The following GNAO1 variants were observed in gnomAD, a reference collection of about 807,000 sequenced individuals.
GNAO1 encodes guanine nucleotide-binding protein G(o) subunit alpha.
For synonymous variants in GNAO1, 164 were observed against 180.7 expected (o/e 0.91, Z 0.74); for missense variants, 166 against 478.7 (o/e 0.35, Z 6.10).
At chr16:56,200,389 A>G (rs1393524705) in intron 2 of GNAO1, among the ~76,000 whole-genome samples, 1 of 152,230 alleles carries the variant, frequency 6.6e-6, no homozygotes, top group African/African-American at 2.4e-5. Flanking sequence ...TCCATAAACC[A>G]AAATAATCAT....
intron 3 of GNAO1, among the ~76,000 whole-genome samples, chr16:56,298,899 A>C (rs1312226904): frequency 6.7e-6 from 1 of 149,044 alleles, no homozygotes; most frequent in Non-Finnish European, 1.5e-5. Context: ...TGGGCGAGAG[A>C]GTGAGACTCT....
chr16:56,205,638 C>T (rs2036320906), intron 2 of GNAO1, among the ~76,000 whole-genome samples: 2 of 152,178 alleles, frequency 1.3e-5, no homozygotes, highest in Admixed American at 1.3e-4. Context: ...CCTTGCTATT[C>T]CCTGTCTTCT....
intron 2 of GNAO1, among the ~76,000 whole-genome samples, chr16:56,258,454 G>A (rs2036872943): frequency 6.6e-6 from 1 of 152,248 alleles, no homozygotes; most frequent in African/African-American, 2.4e-5. Context: ...CACGTGAAAT[G>A]TTTGGAAAAC....
intron 2 of GNAO1, among the ~76,000 whole-genome samples, chr16:56,250,079 G>A (rs954985746): frequency 1.3e-5 from 2 of 152,194 alleles, no homozygotes; most frequent in Non-Finnish European, 2.9e-5. Context: ...CCATCAGGAA[G>A]AATTGGTACT....
At chr16:56,248,975 G>A (rs1308970856) in intron 2 of GNAO1, among the ~76,000 whole-genome samples, 1 of 152,210 alleles carries the variant, frequency 6.6e-6, no homozygotes, top group East Asian at 1.9e-4. Context: ...AAGTTTCTCA[G>A]GAGAGAGGCT....
chr16:56,247,292 A>G (rs1238591889), intron 2 of GNAO1, among the ~76,000 whole-genome samples: 1 of 152,114 alleles, frequency 6.6e-6, no homozygotes, highest in Non-Finnish European at 1.5e-5. Flanking sequence ...CCCCACCCAC[A>G]TGTCCCATGT....
chr16:56,216,151 T>G (rs1459135298), intron 2 of GNAO1, among the ~76,000 whole-genome samples: 1 of 152,224 alleles, frequency 6.6e-6, no homozygotes, highest in African/African-American at 2.4e-5. Flanking sequence ...AAACATCATC[T>G]TGGTTTAGGC....
intron 3 of GNAO1, among the ~76,000 whole-genome samples, chr16:56,281,507 C>T (rs1285967509): frequency 6.6e-6 from 1 of 151,890 alleles, no homozygotes; most frequent in Non-Finnish European, 1.5e-5. Context: ...CTTCATCTCC[C>T]TTTCCCCTCC....
In GNAO1 at chr16:56,356,252, T is replaced by C. The variant is rs1567498287; in HGVS notation, c.*178T>C. On this transcript the variant is annotated 3_prime_UTR_variant, in exon 9 of 9. Coordinates refer to ENST00000262493, the MANE Select transcript of GNAO1 (RefSeq NM_020988.3). Reference sequence around the variant, plus strand: ...GGCTGTGTATTTCTGTAGAATGCTGTAGAATCCGGTTTTAGTTGAGTCTTC... The same window carrying C: ...GGCTGTGTATTTCTGTAGAATGCTGCAGAATCCGGTTTTAGTTGAGTCTTC... The C allele has an allele frequency of 6.5e-6, 1 of 152,684 alleles. No individual in the cohort carries two copies. The highest frequency in any genetic ancestry group is 1.5e-5 in the Non-Finnish European group (1 of 68,054). 9.5% of individuals were successfully genotyped at this position (152,684 alleles called of 1,614,324 possible).
At chr16:56,249,684 G>A (rs1369204323) in intron 2 of GNAO1, among the ~76,000 whole-genome samples, 1 of 152,200 alleles carries the variant, frequency 6.6e-6, no homozygotes, top group African/African-American at 2.4e-5. Flanking sequence ...GTTGCCCAAT[G>A]AAGCTATCAG....
intron 3 of GNAO1, among the ~76,000 whole-genome samples, chr16:56,306,184 T>C (rs2587885): frequency 0.32 from 49,300 of 152,098 alleles, 10,010 homozygotes; most frequent in East Asian, 0.67. Context: ...GTGTCAAAGA[T>C]AAAAGGGCAC....
intron 2 of GNAO1, among the ~76,000 whole-genome samples, chr16:56,208,775 C>T (rs574105137): frequency 6.6e-6 from 1 of 152,166 alleles, no homozygotes; most frequent in African/African-American, 2.4e-5. Flanking sequence ...TTTGGATTTC[C>T]TCTTTTGTGA....
intron 5 of GNAO1, 115 bp downstream of exon 5, chr16:56,334,972 G>T: frequency 9.2e-7 from 1 of 1,089,832 alleles, no homozygotes; most frequent in Admixed American, 2.2e-5. Context: ...GGAACCTGCG[G>T]GCTGGGGCAG....
chr16:56,204,993 C>G (rs561533994), intron 2 of GNAO1, among the ~76,000 whole-genome samples: 1 of 152,258 alleles, frequency 6.6e-6, no homozygotes, highest in South Asian at 2.1e-4. Context: ...AATTCCCCTC[C>G]TTCTCCCTTG....
chr16:56,233,127 A>T (rs1340132222), intron 2 of GNAO1, among the ~76,000 whole-genome samples: 1 of 152,218 alleles, frequency 6.6e-6, no homozygotes, highest in East Asian at 1.9e-4. Flanking sequence ...TGTAAAATGG[A>T]GTGCTCATAG....
intron 3 of GNAO1, among the ~76,000 whole-genome samples, chr16:56,285,809 A>C (rs1210076758): frequency 6.6e-6 from 1 of 152,228 alleles, no homozygotes; most frequent in African/African-American, 2.4e-5. Flanking sequence ...GTAGTGGGAC[A>C]CAAGTCAGAG....
chr16:56,230,207 C>T (rs775486623), intron 2 of GNAO1, among the ~76,000 whole-genome samples: 1 of 152,178 alleles, frequency 6.6e-6, no homozygotes, highest in Non-Finnish European at 1.5e-5. Flanking sequence ...TGTGCACCTA[C>T]GAGCTGCCCA....
chr16:56,350,670 G>C (rs2037911657), intron 6 of GNAO1, among the ~76,000 whole-genome samples: 1 of 152,266 alleles, frequency 6.6e-6, no homozygotes, highest in South Asian at 2.1e-4. Context: ...CAGTCCCCCA[G>C]GTGCTCCTGG....
rs191281080 is a variant in GNAO1 at position 56,331,476 on chromosome 16, C to T, written c.464+2685C>T. On this transcript the variant is annotated intron_variant, in intron 4 of 8. Transcript: ENST00000262493. The stretch of plus-strand genomic sequence containing the variant: ...TGCTCCTCCGCCTGCTGAGATGGCT[C>T]ATAGCCCAGTCCTATCCTGGGGGCT... Among the ~76,000 whole-genome samples the T allele has an allele frequency of 1.9e-3, 294 of 152,328 alleles. 4 individuals are homozygous for T. The South Asian group carries it at 0.043, about 22-fold the overall frequency.
Sources: allele counts gnomAD v4.1 joint callset (sites outside exome capture counted in the v4.1 genomes callset), GRCh38; gene constraint gnomAD v4.1.1; transcripts MANE v1.5; gene names NCBI Gene and HGNC (gene_info 2026-07-23, HGNC 2026-07-21).